The following SCAF4 variants were observed in gnomAD, a reference collection of about 807,000 sequenced individuals.
SCAF4 encodes the protein SR-related and CTD-associated factor 4.
Under a neutral mutation model 129.8 loss-of-function variants are expected in SCAF4, and 25 were observed. The ratio of observed to expected loss-of-function variants is 0.19; its 90% CI spans 0.14 to 0.27. The LOEUF (loss-of-function observed/expected upper bound fraction) is 0.27. SCAF4 is among the 10% of genes least tolerant of loss of function. The pLI is 1.00. For missense variants in SCAF4, 1,246 were observed against 1,457.1 expected, an observed-to-expected ratio of 0.86 and a Z score of 2.36; for synonymous variants, 551 against 497.7, an observed-to-expected ratio of 1.11 and a Z score of -1.43.
intron 1 of SCAF4, among the ~76,000 whole-genome samples, chr21:31,719,016 C>G (rs960364850): frequency 6.6e-6 from 1 of 152,140 alleles, no homozygotes; most frequent in Admixed American, 6.5e-5. Flanking sequence ...ATAGGTGGGG[C>G]ACGGTGGCTC....
At chr21:31,709,119 T>A (rs543544095) in intron 1 of SCAF4, among the ~76,000 whole-genome samples, 4 of 152,290 alleles carry the variant, frequency 2.6e-5, no homozygotes, top group Admixed American at 2.6e-4. Flanking sequence ...CTTTTCCTGA[T>A]CCCTTCTCCT....
intron 3 of SCAF4, 110 bp downstream of exon 3, chr21:31,705,313 T>C (rs539708184): frequency 3.7e-6 from 2 of 539,802 alleles, no homozygotes; most frequent in Non-Finnish European, 6.6e-6. Flanking sequence ...GAACCTCTAG[T>C]GACTAAATTT....
In SCAF4 at chr21:31,701,864, G is replaced by A; in HGVS notation, c.512C>T (p.Pro171Leu). 6.2e-7 allele frequency: 1 copy of A among 1,614,064 alleles called. No individual in the cohort carries two copies. Among genetic ancestry groups the A allele is most frequent in the Non-Finnish European group, 8.5e-7 (1 of 1,179,986 alleles). ...CTGTGGTACAGCTGGGACGGAGTTT[G>A]GAGTGGCTTGTGTGGGAGGTTCAGA... is the stretch of plus-strand genomic sequence containing the variant. ...VSSEPPTQAT[P>L]NSVPAVPQLP... Residue 171 changes from proline (P) to leucine (L), a missense_variant, in exon 6 of 20, where the codon CCA (proline) becomes CTA (leucine). Pro to Leu is a moderately conservative substitution (Grantham distance 98, BLOSUM62 -3). Coordinates refer to ENST00000286835, the MANE Select transcript of SCAF4 (RefSeq NM_020706.2).
At chr21:31,690,720 G>C (rs540984363) in intron 15 of SCAF4, 77 bp downstream of exon 15, 267 of 1,334,832 alleles carry the variant, frequency 2.0e-4, no homozygotes, top group Non-Finnish European at 2.6e-4. Context: ...CCTAATGCAA[G>C]GAACAGGACA....
intron 19 of SCAF4, among the ~76,000 whole-genome samples, chr21:31,681,938 T>C (rs1335720014): frequency 6.6e-6 from 1 of 152,076 alleles, no homozygotes; most frequent in Non-Finnish European, 1.5e-5. Flanking sequence ...TTGCCACATT[T>C]CACAAATTAA....
chr21:31,709,997 T>G (rs575257860), intron 1 of SCAF4, among the ~76,000 whole-genome samples: 253 of 152,128 alleles, frequency 1.7e-3, no homozygotes, highest in African/African-American at 5.7e-3. Flanking sequence ...AGACTAAATT[T>G]GTGCAGAGAC....
rs774668636 is a variant in SCAF4 at position 31,671,997 on chromosome 21, T to G, written c.2846A>C (p.Gln949Pro). The G allele has an allele frequency of 6.2e-7, 1 of 1,612,378 alleles. No homozygotes were observed. Among genetic ancestry groups the G allele is most frequent in the Non-Finnish European group, 8.5e-7 (1 of 1,178,854 alleles). The part of the protein sequence containing the change: ...GRQQPPQQPQ[Q>P]QPQPQAPQQP... ...CTGGGGCGCCTGCGGCTGTGGCTGC[T>G]GCTGTGGCTGCTGCGGCGGCTGTTG... The change falls in exon 20 of 20, where the codon CAG becomes CCG. Residue 949 changes from glutamine to proline, a missense_variant. This residue lies in a region of SCAF4 where 339 missense variants were observed against 325.0 expected (regional missense o/e 1.04). Coordinates refer to ENST00000286835, the MANE Select transcript of SCAF4 (RefSeq NM_020706.2).
rs1412971797 is a variant in SCAF4, at chr21:31,718,158, C to T, written c.31-11801G>A. Among the ~76,000 whole-genome samples the T allele has an allele frequency of 2.0e-5, 3 of 152,220 alleles. No homozygotes were observed. In the East Asian group the frequency reaches 5.8e-4, roughly 29 times the overall value. Reference sequence around the variant, plus strand: ...ATGGGGTTTCTCCATGTTAGTCAGGCTGGTCTTGAACTCCTGACCTCAGTT... The same window carrying T: ...ATGGGGTTTCTCCATGTTAGTCAGGTTGGTCTTGAACTCCTGACCTCAGTT... On this transcript the variant is annotated intron_variant, in intron 1 of 19. Transcript: ENST00000286835.
Position 31,693,302 on chromosome 21 carries a change from G to T in SCAF4, c.1505C>A (p.Thr502Asn). ...TATAAAGGTTGAGTTACCACTTGCA[G>T]TTTCCGGTTTCACTTGAGGGAGGCC... The part of the protein sequence containing the change: ...QKGLPQVKPE[T>N]ASVCSTTLWV... Residue 502 changes from threonine (T) to asparagine (N), a missense_variant, in exon 12 of 20, where the codon ACT (threonine) becomes AAT (asparagine). By Grantham distance (65) the Thr-to-Asn change is moderately conservative (BLOSUM62 0). Transcript: ENST00000286835. 1.4e-6 allele frequency: 2 copies of T among 1,474,108 alleles called. No individual in the cohort carries two copies. The highest frequency in any genetic ancestry group is 1.8e-6 in the Non-Finnish European group (2 of 1,094,150). 91.3% of individuals were successfully genotyped at this position (1,474,108 alleles called of 1,614,324 possible).
At chr21:31,687,934 C>T (rs896483994) in intron 16 of SCAF4, among the ~76,000 whole-genome samples, 2 of 151,388 alleles carry the variant, frequency 1.3e-5, no homozygotes, top group Non-Finnish European at 2.9e-5. Flanking sequence ...ATGGTGAAGC[C>T]CCGTCTCTAC....
chr21:31,690,625 CTT>C (rs1413254738), intron 15 of SCAF4, among the ~76,000 whole-genome samples, 170 bp downstream of exon 15: 1 of 152,208 alleles, frequency 6.6e-6, no homozygotes, highest in Non-Finnish European at 1.5e-5. Flanking sequence ...GTTTGCATCT[CTT>C]TTGTCTCATT....
intron 1 of SCAF4, among the ~76,000 whole-genome samples, 196 bp downstream of exon 1, chr21:31,731,467 G>A (rs1036672569): frequency 6.6e-6 from 1 of 152,256 alleles, no homozygotes; most frequent in Admixed American, 6.5e-5. Context: ...GTGGGGGGAG[G>A]GGTGCGGGGT....
chr21:31,720,082 C>T (rs1422027614), intron 1 of SCAF4, among the ~76,000 whole-genome samples: 1 of 152,188 alleles, frequency 6.6e-6, no homozygotes, highest in Non-Finnish European at 1.5e-5. Context: ...AGGTGCCATA[C>T]CTCAGCATCA....
intron 1 of SCAF4, among the ~76,000 whole-genome samples, chr21:31,731,338 G>A (rs1172559555): frequency 6.6e-6 from 1 of 152,252 alleles, no homozygotes; most frequent in African/African-American, 2.4e-5. Flanking sequence ...GCGGAGCAGA[G>A]AGCGAGGGCG....
chr21:31,692,561 C>G, intron 12 of SCAF4, 112 bp from the exon 13 acceptor site: 1 of 647,318 alleles, frequency 1.5e-6, no homozygotes, highest in South Asian at 2.2e-5. Flanking sequence ...TACAACACCA[C>G]AAGTTTAAAT....
chr21:31,712,222 CTTTT>C (rs11408552), intron 1 of SCAF4, among the ~76,000 whole-genome samples: 1 of 135,442 alleles, frequency 7.4e-6, no homozygotes, highest in Non-Finnish European at 1.5e-5. Flanking sequence ...TTGTTTGTTG[CTTTT>C]TTTTTTTTTT....
chr21:31,692,111 T>C (rs2050273725), intron 13 of SCAF4, 181 bp from the exon 14 acceptor site: 3 of 592,512 alleles, frequency 5.1e-6, no homozygotes, highest in Non-Finnish European at 9.0e-6. Flanking sequence ...AGCTTTGTTA[T>C]ATAAAGACTT....
Position 31,671,849 on chromosome 21 carries a change from T to G in SCAF4, c.2994A>C (p.Glu998Asp). ...RQQFNSGRDQ[E>D]RFGRRSFGNR... ...TTCCAAAAGATCTTCTTCCAAACCT[T>G]TCTTGGTCTCTACCTGAATTGAACT... The change falls in exon 20 of 20, where the codon GAA (glutamate) becomes GAC (aspartate). Residue 998 changes from glutamate to aspartate, a missense_variant. Transcript: ENST00000286835. 6.2e-7 allele frequency: 1 copy of G among 1,614,178 alleles called. No homozygotes were observed.
chr21:31,716,822 T>G (rs937500781), intron 1 of SCAF4, among the ~76,000 whole-genome samples: 1 of 152,098 alleles, frequency 6.6e-6, no homozygotes, highest in Non-Finnish European at 1.5e-5. Context: ...GGTAATATAA[T>G]GGGGCGAGGA....
Sources: allele counts gnomAD v4.1 joint callset (sites outside exome capture counted in the v4.1 genomes callset), GRCh38; gene constraint gnomAD v4.1.1; regional missense constraint gnomAD v4.1.1; transcripts MANE v1.5; gene names NCBI Gene and HGNC (gene_info 2026-07-23, HGNC 2026-07-21).